Variants in DNAH6 observed in about 807,000 individuals in gnomAD.
The protein encoded by DNAH6 is axonemal beta dynein heavy chain 6.
In DNAH6, 340 loss-of-function variants were observed where a neutral mutation model predicts 491.4. That is an observed-to-expected ratio of 0.69 (90% CI 0.63 to 0.76). The LOEUF (loss-of-function observed/expected upper bound fraction) is 0.76. DNAH6 is among the 30% of genes least tolerant of loss of function. The probability of loss-of-function intolerance (pLI) is 0.00; values close to 1 mark genes in which losing one functional copy is unlikely to be tolerated. For synonymous variants in DNAH6, 1,603 were observed against 1,686.1 expected (o/e 0.95, Z 1.21); for missense variants, 4,443 against 4,972.2 (o/e 0.89, Z 3.20).
chr2:84,654,440 A>T (rs917096174), intron 34 of DNAH6, among the ~76,000 whole-genome samples: 3 of 152,150 alleles, frequency 2.0e-5, no homozygotes, highest in Admixed American at 2.0e-4. Flanking sequence ...GTTTGACAGT[A>T]TCCTCCTGTA....
At chr2:84,737,246 A>AT (rs1176024763) in intron 62 of DNAH6, among the ~76,000 whole-genome samples, 1 of 151,972 alleles carries the variant, frequency 6.6e-6, no homozygotes, top group African/African-American at 2.4e-5. Flanking sequence ...TTTGTTGAAG[A>AT]TTTTTGAGTC....
chr2:84,801,268 A>AG (rs1678882427), intron 70 of DNAH6, among the ~76,000 whole-genome samples: 2 of 150,168 alleles, frequency 1.3e-5, no homozygotes, highest in Non-Finnish European at 3.0e-5. Flanking sequence ...AAAAAGAAAA[A>AG]GAAAAAAAAA....
chr2:84,654,308 A>G (rs181390638), intron 34 of DNAH6, among the ~76,000 whole-genome samples: 1 of 152,288 alleles, frequency 6.6e-6, no homozygotes, highest in East Asian at 1.9e-4. Context: ...CCTGTGTTCT[A>G]TTCATTCATC....
chr2:84,577,471 G>A lies in DNAH6; in HGVS notation c.2076+63G>A, dbSNP rs181589617. ...ACAATTATTTTATGATTTTTCTACTGCACAAAAACCTAGTATTTATTTTAT... is the reference window on the plus strand; with the variant it reads ...ACAATTATTTTATGATTTTTCTACTACACAAAAACCTAGTATTTATTTTAT... On this transcript the variant is annotated intron_variant, in intron 13 of 76. Transcript: ENST00000389394. 8.3e-6 allele frequency: 10 copies of A among 1,208,068 alleles called. No homozygotes were observed. The South Asian group carries it at 1.3e-4, about 16-fold the overall frequency. 74.8% of individuals were successfully genotyped at this position (1,208,068 alleles called of 1,614,324 possible).
chr2:84,635,440 C>T (rs966981860), intron 30 of DNAH6, among the ~76,000 whole-genome samples: 1 of 152,176 alleles, frequency 6.6e-6, no homozygotes, highest in Non-Finnish European at 1.5e-5. Context: ...AAAGTCTAAG[C>T]TCCCTTATCT....
In DNAH6 at chr2:84,638,816, G is replaced by A. The variant is rs549616522; in HGVS notation, c.4821+1439G>A. The stretch of plus-strand genomic sequence containing the variant: ...GTGCTAGCATCTACTCGGTTTCTAG[G>A]GTGGCCTTAAGGAGCTTTTACTCAT... On this transcript the variant is annotated intron_variant, in intron 31 of 76. Coordinates refer to ENST00000389394, the MANE Select transcript of DNAH6 (RefSeq NM_001370.2). Among the ~76,000 whole-genome samples, 7 of 152,234 alleles carry A rather than the reference G, an allele frequency of 4.6e-5. No homozygotes were observed. The South Asian group carries it at 8.3e-4, about 18-fold the overall frequency.
chr2:84,585,939 C>T (rs1683491272), intron 15 of DNAH6, among the ~76,000 whole-genome samples: 1 of 152,236 alleles, frequency 6.6e-6, no homozygotes, highest in African/African-American at 2.4e-5. Context: ...CCCCAGCCTT[C>T]AGGCCAATGT....
chr2:84,522,934 G>T (rs1471690443), intron 2 of DNAH6, among the ~76,000 whole-genome samples: 1 of 151,970 alleles, frequency 6.6e-6, no homozygotes, highest in African/African-American at 2.4e-5. Context: ...TCTTTTGTGT[G>T]TGTGTGTCTC....
At chr2:84,814,147 C>T in intron 75 of DNAH6, 25 bp downstream of exon 75, 2 of 1,546,904 alleles carry the variant, frequency 1.3e-6, no homozygotes, top group South Asian at 2.4e-5. Flanking sequence ...GCTGTTATGG[C>T]AAAGCAGCTT....
At chr2:84,725,071 A>T (rs1029608773) in intron 60 of DNAH6, among the ~76,000 whole-genome samples, 8 of 152,168 alleles carry the variant, frequency 5.3e-5, no homozygotes, top group African/African-American at 1.9e-4. Flanking sequence ...AACTCCCAGG[A>T]GGCAAAAATG....
rs187104391 is a variant in DNAH6 at position 84,527,051 on chromosome 2, A to T, written c.399+1313A>T. 2.5e-3 allele frequency among the ~76,000 whole-genome samples: 388 copies of T among 152,280 alleles called. 1 individual carries two copies. Among genetic ancestry groups the T allele is most frequent in the Admixed American group, 6.1e-3 (93 of 15,284 alleles). On this transcript the variant is annotated intron_variant, in intron 3 of 76. Coordinates refer to ENST00000389394, the MANE Select transcript of DNAH6 (RefSeq NM_001370.2). The stretch of plus-strand genomic sequence containing the variant: ...AAAAATGGGATGTTTTACATAAAAT[A>T]AGAAAGGTATTTATTCTGAGAAAAA...
intron 5 of DNAH6, among the ~76,000 whole-genome samples, chr2:84,544,748 C>A (rs79714467): frequency 0.014 from 2,097 of 152,178 alleles, 47 homozygotes; most frequent in African/African-American, 0.048. Context: ...TTAGAAGTCA[C>A]CTCAGAGTTT....
chr2:84,543,784 A>G (rs1424695808), intron 4 of DNAH6, among the ~76,000 whole-genome samples: 1 of 152,190 alleles, frequency 6.6e-6, no homozygotes, highest in Non-Finnish European at 1.5e-5. Flanking sequence ...AATTGGGCAT[A>G]TAATATTGGT....
At chr2:84,579,133 G>A (rs190933918) in intron 13 of DNAH6, among the ~76,000 whole-genome samples, 133 of 152,240 alleles carry the variant, frequency 8.7e-4, no homozygotes, top group Non-Finnish European at 1.0e-3. Flanking sequence ...GTTCCTATTT[G>A]CCAAGTCATC....
the DNAH6 span, among the ~76,000 whole-genome samples, chr2:84,477,510 C>A: frequency 6.6e-6 from 1 of 152,172 alleles, no homozygotes; most frequent in Admixed American, 6.6e-5. Context: ...TGACTACCCA[C>A]CTCCTTTCAA....
chr2:84,620,931 A>C (rs910715629), intron 24 of DNAH6, among the ~76,000 whole-genome samples: 1 of 152,208 alleles, frequency 6.6e-6, no homozygotes, highest in African/African-American at 2.4e-5. Flanking sequence ...GCAAGTAGGA[A>C]AGTGAAAATA....
chr2:84,557,976 A>G (rs957284548), intron 11 of DNAH6, 41 bp downstream of exon 11: 2 of 1,308,554 alleles, frequency 1.5e-6, no homozygotes, highest in Non-Finnish European at 2.1e-6. Flanking sequence ...AATATTCTCA[A>G]TTTTTATGAA....
At chr2:84,617,349 A>T (rs1465130497) in intron 23 of DNAH6, among the ~76,000 whole-genome samples, 1 of 152,144 alleles carries the variant, frequency 6.6e-6, no homozygotes, top group Admixed American at 6.6e-5. Context: ...TTTGTGTTAC[A>T]AACAATCCAG....
intron 42 of DNAH6, among the ~76,000 whole-genome samples, chr2:84,683,172 C>T (rs1433656440): frequency 1.3e-5 from 2 of 152,210 alleles, no homozygotes; most frequent in South Asian, 2.1e-4. Flanking sequence ...TATTTCTCTG[C>T]ATATATGTGT....
Sources: allele counts gnomAD v4.1 joint callset (sites outside exome capture counted in the v4.1 genomes callset), GRCh38; gene constraint gnomAD v4.1.1; transcripts MANE v1.5; gene names NCBI Gene and HGNC (gene_info 2026-07-23, HGNC 2026-07-21).